Variants in NRF1 observed in about 807,000 individuals in gnomAD.
NRF1 encodes the protein alpha palindromic-binding protein.
In NRF1, 5 loss-of-function variants were observed where a neutral mutation model predicts 58.5. That is an observed-to-expected ratio of 0.09 (90% CI 0.04 to 0.18). NRF1 has a LOEUF of 0.18. NRF1 is among the 10% of genes least tolerant of loss of function. The pLI is 1.00. For synonymous variants in NRF1, 224 were observed against 246.7 expected (o/e 0.91, Z 0.86); for missense variants, 288 against 657.7 (o/e 0.44, Z 6.15).
chr7:129,724,148 A>G (rs963382665), intron 9 of NRF1, among the ~76,000 whole-genome samples: 2 of 152,248 alleles, frequency 1.3e-5, no homozygotes, highest in African/African-American at 2.4e-5. Flanking sequence ...ATTGTATCTG[A>G]TAAGGGATTG....
At chr7:129,618,066 A>G (rs1477897826) in intron 1 of NRF1, among the ~76,000 whole-genome samples, 2 of 152,206 alleles carry the variant, frequency 1.3e-5, no homozygotes, top group East Asian at 1.9e-4. Context: ...TGACATGTAA[A>G]GATTTGACTA....
At chr7:129,720,242 G>A (rs1467292078) in intron 9 of NRF1, among the ~76,000 whole-genome samples, 1 of 152,240 alleles carries the variant, frequency 6.6e-6, no homozygotes, top group Non-Finnish European at 1.5e-5. Context: ...TGGCAGCAGA[G>A]ACTAGACTAT....
At chr7:129,737,561 A>G (rs1584685926) in intron 10 of NRF1, among the ~76,000 whole-genome samples, 4 of 150,230 alleles carry the variant, frequency 2.7e-5, no homozygotes, top group African/African-American at 9.7e-5. Flanking sequence ...ACTGTAAAAC[A>G]CATCTCCTTC....
At chr7:129,730,293 G>A (rs776727932) in intron 10 of NRF1, among the ~76,000 whole-genome samples, 6 of 152,060 alleles carry the variant, frequency 3.9e-5, no homozygotes, top group South Asian at 4.2e-4. Flanking sequence ...CCAAAGTGCT[G>A]GGATTATAGG....
intron 2 of NRF1, among the ~76,000 whole-genome samples, chr7:129,664,945 G>C (rs1801886144): frequency 1.3e-5 from 2 of 152,324 alleles, no homozygotes; most frequent in South Asian, 2.1e-4. Flanking sequence ...ATCCAGTGGT[G>C]GGGGAGAGCT....
intron 4 of NRF1, among the ~76,000 whole-genome samples, chr7:129,684,095 T>C (rs903230514): frequency 2.0e-5 from 3 of 151,750 alleles, no homozygotes; most frequent in Non-Finnish European, 2.9e-5. Flanking sequence ...AGAAAGAAAC[T>C]CCATCTAGCT....
Position 129,631,195 on chromosome 7 carries a change from A to G in NRF1, c.-7+19371A>G, listed in dbSNP as rs1259261068. ...GCAAGAGACCCAGGGACATCTTAAC[A>G]TCCTTGAATATTTCTGAATCTTTCT... On this transcript the variant is annotated intron_variant, in intron 1 of 10. Coordinates refer to ENST00000393232, the MANE Select transcript of NRF1 (RefSeq NM_005011.5). Among the ~76,000 whole-genome samples the G allele has an allele frequency of 2.6e-5, 4 of 151,658 alleles. No homozygotes were observed. The South Asian group carries it at 8.4e-4, about 32-fold the overall frequency.
At chr7:129,708,309 C>T (rs1473657743) in intron 5 of NRF1, among the ~76,000 whole-genome samples, 1 of 152,194 alleles carries the variant, frequency 6.6e-6, no homozygotes, top group Non-Finnish European at 1.5e-5. Flanking sequence ...GGTTACTATG[C>T]CAGGAAATAA....
intron 1 of NRF1, among the ~76,000 whole-genome samples, chr7:129,613,051 TCA>T (rs1282337610): frequency 2.0e-5 from 3 of 152,142 alleles, no homozygotes; most frequent in Admixed American, 6.5e-5. Flanking sequence ...AGAGCAAAAT[TCA>T]CATTTTTTTA....
At chr7:129,690,574 T>C (rs370334260) in intron 5 of NRF1, 28 bp downstream of exon 5, 9 of 1,613,096 alleles carry the variant, frequency 5.6e-6, no homozygotes, top group Admixed American at 5.0e-5. Flanking sequence ...AGGAGGAGAC[T>C]CAAAGACAAG....
At chr7:129,666,112 AT>A (rs1453208824) in intron 2 of NRF1, among the ~76,000 whole-genome samples, 6 of 152,352 alleles carry the variant, frequency 3.9e-5, no homozygotes, top group African/African-American at 1.4e-4. Flanking sequence ...AAGTATCAAG[AT>A]TGACATAACA....
At chr7:129,624,865 C>T (rs781399652) in intron 1 of NRF1, among the ~76,000 whole-genome samples, 5 of 151,988 alleles carry the variant, frequency 3.3e-5, no homozygotes, top group South Asian at 2.1e-4. Flanking sequence ...CCTTATTGTC[C>T]GAGTCGTCCC....
chr7:129,665,021 T>C (rs1458886483), intron 2 of NRF1, among the ~76,000 whole-genome samples: 1 of 151,950 alleles, frequency 6.6e-6, no homozygotes, highest in African/African-American at 2.4e-5. Flanking sequence ...TGCGGGAAGG[T>C]AATGGAGAGA....
intron 1 of NRF1, among the ~76,000 whole-genome samples, chr7:129,621,942 C>T (rs374968831): frequency 6.6e-6 from 1 of 151,880 alleles, no homozygotes; most frequent in Admixed American, 6.6e-5. Context: ...GCCACCATGC[C>T]GGGCTAATTT....
intron 9 of NRF1, among the ~76,000 whole-genome samples, chr7:129,724,913 G>A (rs1300590505): frequency 1.3e-5 from 2 of 152,174 alleles, no homozygotes; most frequent in Non-Finnish European, 2.9e-5. Flanking sequence ...GGATTTGCCT[G>A]TGATTTCTTA....
At chr7:129,650,545 G>A (rs1277508195) in intron 1 of NRF1, among the ~76,000 whole-genome samples, 2 of 152,106 alleles carry the variant, frequency 1.3e-5, no homozygotes, top group Non-Finnish European at 2.9e-5. Context: ...TGAAGAAATT[G>A]AGGCCCAGTG....
chr7:129,732,668 T>C (rs920603217), intron 10 of NRF1, among the ~76,000 whole-genome samples: 1 of 151,952 alleles, frequency 6.6e-6, no homozygotes. Flanking sequence ...AGTGGCTCAA[T>C]CTCAGCTCAC....
At chr7:129,751,771 C>A (rs774305921) in intron 10 of NRF1, among the ~76,000 whole-genome samples, 1 of 152,256 alleles carries the variant, frequency 6.6e-6, no homozygotes, top group African/African-American at 2.4e-5. Flanking sequence ...TTGCTACTTG[C>A]CAGTATGTGG....
chr7:129,728,950 T>C (rs1423172180), intron 10 of NRF1, among the ~76,000 whole-genome samples: 1 of 152,170 alleles, frequency 6.6e-6, no homozygotes, highest in Admixed American at 6.5e-5. Flanking sequence ...AAGGAGAACC[T>C]CTCTCTCTAG....
Sources: gnomAD v4.1 joint callset for allele counts (sites outside exome capture counted in the v4.1 genomes callset) on GRCh38, gnomAD v4.1.1 for gene constraint, MANE v1.5 for transcripts, NCBI Gene and HGNC (gene_info 2026-07-23, HGNC 2026-07-21) for gene names.